RRN3: variants seen among roughly 807,000 people sequenced by gnomAD.
RRN3 encodes RNA polymerase I-specific transcription initiation factor RRN3.
A neutral mutation model predicts 82.3 loss-of-function variants in RRN3; 38 were observed. The observed-to-expected ratio is 0.46, with a 90% CI of 0.36 to 0.61. RRN3 has a LOEUF of 0.61. Among genes scored for constraint, RRN3 ranks in the 20% least tolerant of loss-of-function variants. RRN3 has a pLI of 0.00. For synonymous variants in RRN3, 284 were observed against 284.3 expected (o/e 1.00, Z 0.01); for missense variants, 726 against 793.1 (o/e 0.92, Z 1.02).
At chr16:15,075,664 A>G (rs1224495716) in intron 10 of RRN3, among the ~76,000 whole-genome samples, 3 of 152,154 alleles carry the variant, frequency 2.0e-5, no homozygotes, top group Non-Finnish European at 4.4e-5. Flanking sequence ...CCACCAGTGA[A>G]ATTTAAAATA....
At chr16:15,086,722 A>G (rs1482113593) in intron 3 of RRN3, among the ~76,000 whole-genome samples, 1 of 152,196 alleles carries the variant, frequency 6.6e-6, no homozygotes, top group African/African-American at 2.4e-5. Flanking sequence ...TGCCCTGAAA[A>G]AGCGAAATCA....
chr16:15,061,674 G>T lies in RRN3; in HGVS notation c.*70C>A. On this transcript the variant is annotated 3_prime_UTR_variant, in exon 18 of 18. Transcript: ENST00000198767. ...ATGCCATCAATGCCCAATGGCACAA[G>T]CTGGGTGCTGAGGGCATGACAAGTG... is the stretch of plus-strand genomic sequence containing the variant. 1 of 1,468,976 alleles carries T rather than the reference G, an allele frequency of 6.8e-7. No individual in the cohort carries two copies. Among genetic ancestry groups the T allele is most frequent in the Non-Finnish European group, 9.4e-7 (1 of 1,065,482 alleles). The allele number at this position is 1,468,976 out of a possible 1,614,324, so 91.0% of individuals were successfully genotyped here. A position where few individuals can be genotyped will look rare whatever the true frequency, so the allele number is the denominator to read the frequency against.
rs532591725 is a variant in RRN3, at chr16:15,068,819, T to C, written c.1445-542A>G. Among the ~76,000 whole-genome samples, 9 of 152,326 alleles carry C rather than the reference T, an allele frequency of 5.9e-5. No individual in the cohort carries two copies. In the East Asian group the frequency reaches 1.3e-3, roughly 23 times the overall value. The stretch of plus-strand genomic sequence containing the variant: ...ACCACTTTCTTAGACTTAATGAATA[T>C]AATTCTTTTCTACATGAGTAAAATA... On this transcript the variant is annotated intron_variant, in intron 14 of 17. Transcript: ENST00000198767.
intron 2 of RRN3, 59 bp downstream of exon 2, chr16:15,092,450 C>CA: frequency 1.0e-6 from 1 of 1,002,636 alleles, no homozygotes; most frequent in Non-Finnish European, 1.6e-6. Flanking sequence ...TTTAGTATAA[C>CA]AGCAATAGTT....
At chr16:15,093,932 A>T in intron 1 of RRN3, 2 of 572,094 alleles carry the variant, frequency 3.5e-6, no homozygotes, top group Non-Finnish European at 6.2e-6. Flanking sequence ...GGGGGCCTCC[A>T]GAACAGAGAA....
chr16:15,087,662 A>G (rs984942043), intron 3 of RRN3, among the ~76,000 whole-genome samples: 3 of 152,222 alleles, frequency 2.0e-5, no homozygotes, highest in African/African-American at 7.2e-5. Context: ...TCATATGTCC[A>G]CAACTGTTAA....
intron 9 of RRN3, among the ~76,000 whole-genome samples, chr16:15,079,438 G>T (rs1292389301): frequency 1.3e-5 from 2 of 152,148 alleles, no homozygotes; most frequent in African/African-American, 4.8e-5. Flanking sequence ...CATAATGTAT[G>T]TTTCATTCAT....
intron 12 of RRN3, 24 bp downstream of exon 12, chr16:15,072,923 GATA>G: frequency 6.2e-7 from 1 of 1,610,540 alleles, no homozygotes; most frequent in Non-Finnish European, 8.5e-7. Flanking sequence ...AGTAAGCTAA[GATA>G]ATGTTAATCA....
In RRN3 at chr16:15,080,027, G is replaced by C. The variant is rs1313123849; in HGVS notation, c.736C>G (p.Leu246Val). 18 of 1,599,006 alleles carry C rather than the reference G, an allele frequency of 1.1e-5. No individual in the cohort carries two copies. Among genetic ancestry groups the C allele is most frequent in the Non-Finnish European group, 1.4e-5 (16 of 1,173,106 alleles). Residue 246 changes from leucine to valine, a missense_variant, in exon 9 of 18, where the codon CTT (leucine) becomes GTT (valine). Physicochemically the swap from Leu to Val is conservative, Grantham distance 32. Coordinates refer to ENST00000198767, the MANE Select transcript of RRN3 (RefSeq NM_018427.5). ...FPTLRHEILE[L>V]IIEKLLKLDV... is the part of the protein sequence containing the mutation. ...AACTTGAGTAGTTTTTCAATAATAAGCTCCAGAATTTCATGCCTCAAGGTT... is the reference window on the plus strand; with the variant it reads ...AACTTGAGTAGTTTTTCAATAATAACCTCCAGAATTTCATGCCTCAAGGTT...
At chr16:15,075,945 C>T (rs745768496) in intron 10 of RRN3, among the ~76,000 whole-genome samples, 5 of 152,178 alleles carry the variant, frequency 3.3e-5, no homozygotes, top group Non-Finnish European at 7.3e-5. Flanking sequence ...TCCAGCCCCT[C>T]CCCCTTAGAA....
intron 3 of RRN3, among the ~76,000 whole-genome samples, chr16:15,087,844 G>A (rs1208918491): frequency 2.6e-5 from 4 of 152,154 alleles, no homozygotes; most frequent in African/African-American, 9.7e-5. Context: ...GCTGGGCGTG[G>A]TAGCTCATGT....
At position 15,084,720 on chromosome 16, in the gene RRN3, G is replaced by C. The variant is rs1455364861; in HGVS notation, c.533-15C>G. 6.2e-7 allele frequency: 1 copy of C among 1,604,950 alleles called. No homozygotes were observed. The highest frequency in any genetic ancestry group is 8.5e-7 in the Non-Finnish European group (1 of 1,171,830). On this transcript the variant is annotated splice_polypyrimidine_tract_variant and intron_variant, in intron 6 of 17. Transcript: ENST00000198767. ...TGCAGGAAGATCTGAAAGGAGAAAA[G>C]TTCAGAGTATGAGCATCAAAACAAA...
rs563245477 is a variant in RRN3 at position 15,073,916 on chromosome 16, C to T, written c.997+807G>A. On this transcript the variant is annotated intron_variant, in intron 11 of 17. Coordinates refer to ENST00000198767, the MANE Select transcript of RRN3 (RefSeq NM_018427.5). ...TCAATAACAATTATTTTAAAACAGG[C>T]AATGATATGAGAAAATGTTTATCTT... Among the ~76,000 whole-genome samples the T allele has an allele frequency of 1.2e-3, 185 of 151,922 alleles. 1 individual carries two copies. The highest frequency in any genetic ancestry group is 2.4e-3 in the Non-Finnish European group (161 of 67,988).
At chr16:15,064,245 G>A (rs1234182381) in intron 16 of RRN3, among the ~76,000 whole-genome samples, 3 of 151,410 alleles carry the variant, frequency 2.0e-5, no homozygotes, top group Non-Finnish European at 4.4e-5. Context: ...GTGCAATCTC[G>A]GCTCACTGCA....
At chr16:15,069,055 C>T (rs1321670028) in intron 14 of RRN3, among the ~76,000 whole-genome samples, 2 of 152,166 alleles carry the variant, frequency 1.3e-5, no homozygotes, top group Non-Finnish European at 2.9e-5. Flanking sequence ...AAACCTCATC[C>T]TACTAGTTCA....
At chr16:15,092,129 AG>A (rs1265685266) in intron 2 of RRN3, among the ~76,000 whole-genome samples, 3 of 152,202 alleles carry the variant, frequency 2.0e-5, no homozygotes, top group African/African-American at 7.2e-5. Flanking sequence ...CAGTGAGCCG[AG>A]GTCACGCCAC....
intron 2 of RRN3, among the ~76,000 whole-genome samples, chr16:15,092,088 A>T (rs1598019440): frequency 6.6e-6 from 1 of 152,178 alleles, no homozygotes; most frequent in African/African-American, 2.4e-5. Context: ...CTGAGGCAGG[A>T]GAATTGCTTG....
chr16:15,081,234 A>C (rs1001182402), intron 8 of RRN3, among the ~76,000 whole-genome samples: 20 of 152,226 alleles, frequency 1.3e-4, no homozygotes, highest in African/African-American at 4.8e-5. Context: ...GTATAAACCC[A>C]GAAATGGAAC....
intron 16 of RRN3, among the ~76,000 whole-genome samples, chr16:15,063,715 A>AAG (rs2044824435): frequency 1.3e-5 from 2 of 150,990 alleles, no homozygotes; most frequent in Admixed American, 1.3e-4. Flanking sequence ...AAAAAAAAAA[A>AAG]AAAAAAAGAA....
Sources: allele counts gnomAD v4.1 joint callset (sites outside exome capture counted in the v4.1 genomes callset), GRCh38; gene constraint gnomAD v4.1.1; transcripts MANE v1.5; gene names NCBI Gene and HGNC (gene_info 2026-07-23, HGNC 2026-07-21).